The following KIF26B variants were observed in gnomAD, a reference collection of about 807,000 sequenced individuals.
The protein encoded by KIF26B is kinesin-like protein KIF26B.
KIF26B carries 63 observed loss-of-function variants against 151.2 expected under a neutral mutation model. The ratio of observed to expected loss-of-function variants is 0.42; its 90% confidence interval spans 0.34 to 0.51. KIF26B has a LOEUF of 0.51. KIF26B is among the 20% of genes least tolerant of loss of function. The pLI, the probability that KIF26B is intolerant of heterozygous loss-of-function variation, is 0.07. For missense variants in KIF26B, 2,813 were observed against 2,913.6 expected, an observed-to-expected ratio of 0.97 and a Z score of 0.79; for synonymous variants, 1,357 against 1,262.1, an observed-to-expected ratio of 1.08 and a Z score of -1.59.
At position 245,218,863 on chromosome 1, in the gene KIF26B, A is replaced by G. The variant is rs1441201381; in HGVS notation, c.465+62180A>G. Among the ~76,000 whole-genome samples, 1 of 152,154 alleles carries G rather than the reference A, an allele frequency of 6.6e-6. No homozygotes were observed. The highest frequency in any genetic ancestry group is 2.4e-5 in the African/African-American group (1 of 41,430). On this transcript the variant is annotated intron_variant, in intron 2 of 14. Coordinates refer to ENST00000407071, the MANE Select transcript of KIF26B (RefSeq NM_018012.4). This position sits in a 1 kb window ranked among gnomAD's most constrained non-coding sequence, Gnocchi z 4.1. ...TTGGCTCTTAACTCCTGCTTTTTGT[A>G]GAAGCTTGACAGGCAGCTGACTCAG... is the stretch of plus-strand genomic sequence containing the variant.
intron 2 of KIF26B, among the ~76,000 whole-genome samples, chr1:245,231,511 G>A (rs969346344): frequency 9.2e-5 from 14 of 151,816 alleles, no homozygotes; most frequent in Admixed American, 2.6e-4. Flanking sequence ...GCAAGACTTC[G>A]TCTAAAAGAA....
chr1:245,553,431 G>A (rs567413770), intron 5 of KIF26B, among the ~76,000 whole-genome samples: 14 of 152,186 alleles, frequency 9.2e-5, no homozygotes, highest in Admixed American at 4.6e-4. Context: ...GGGCTGTGGC[G>A]GAGGCTGAGG....
At chr1:245,201,251 A>T (rs1421437194) in intron 2 of KIF26B, among the ~76,000 whole-genome samples, 1 of 152,250 alleles carries the variant, frequency 6.6e-6, no homozygotes, top group Non-Finnish European at 1.5e-5. Flanking sequence ...CAAATAGTCT[A>T]GATCAGTTTC....
intron 4 of KIF26B, among the ~76,000 whole-genome samples, chr1:245,521,071 C>T (rs2103090113): frequency 6.6e-6 from 1 of 152,308 alleles, no homozygotes; most frequent in South Asian, 2.1e-4. Context: ...GGCGTGGTGG[C>T]TCACGCCTGT....
intron 5 of KIF26B, among the ~76,000 whole-genome samples, chr1:245,544,867 T>G (rs1219487356): frequency 1.3e-5 from 2 of 152,086 alleles, no homozygotes; most frequent in Admixed American, 1.3e-4. Context: ...ATCCCTTCCC[T>G]CCTTCCCACT....
Position 245,684,409 on chromosome 1 carries a change from G to T in KIF26B, c.2421+14G>T. 6.4e-7 allele frequency: 1 copy of T among 1,564,796 alleles called. No homozygotes were observed. On this transcript the variant is annotated intron_variant, in intron 11 of 14. Transcript: ENST00000407071. ...AAGAAGACGAAGGTAAGGAGCTCGCGGGGTGGGGGGGTGGTGGATGAGGGA... is the reference window on the plus strand; with the variant it reads ...AAGAAGACGAAGGTAAGGAGCTCGCTGGGTGGGGGGGTGGTGGATGAGGGA...
intron 2 of KIF26B, among the ~76,000 whole-genome samples, chr1:245,205,251 C>T (rs1415870773): frequency 1.3e-5 from 2 of 152,066 alleles, no homozygotes; most frequent in Non-Finnish European, 2.9e-5. Context: ...GTTAAAAAGA[C>T]CGTTAGTGTA....
chr1:245,172,670 T>C (rs1054436641), intron 2 of KIF26B, among the ~76,000 whole-genome samples: 2 of 152,044 alleles, frequency 1.3e-5, no homozygotes, highest in Non-Finnish European at 2.9e-5. Flanking sequence ...ATTAGCCAGA[T>C]GTGGTTGTAT....
At chr1:245,590,058 A>C (rs2043269829) in intron 5 of KIF26B, among the ~76,000 whole-genome samples, 2 of 149,770 alleles carry the variant, frequency 1.3e-5, no homozygotes, top group South Asian at 4.2e-4. Flanking sequence ...GTAACACATG[A>C]GTGAGCTTTA....
chr1:245,471,115 ATGTG>A (rs1553277413), intron 4 of KIF26B, among the ~76,000 whole-genome samples: 1 of 142,442 alleles, frequency 7.0e-6, no homozygotes. Flanking sequence ...TTTTGATAGT[ATGTG>A]TGTGTGTGTG....
chr1:245,676,243 G>A (rs1453006363), intron 10 of KIF26B: 2 of 152,172 alleles, frequency 1.3e-5, no homozygotes, highest in African/African-American at 4.8e-5. Context: ...TACACTTCCT[G>A]AGCAGAACTT....
At chr1:245,450,265 A>G (rs528204522) in intron 4 of KIF26B, among the ~76,000 whole-genome samples, 11 of 152,312 alleles carry the variant, frequency 7.2e-5, no homozygotes, top group Admixed American at 3.9e-4. Context: ...TGGAAACAAC[A>G]TAATGATTCC....
intron 2 of KIF26B, among the ~76,000 whole-genome samples, chr1:245,364,053 G>A (rs963579206): frequency 2.6e-5 from 4 of 152,184 alleles, no homozygotes; most frequent in East Asian, 1.9e-4. Context: ...GGCATGTGGC[G>A]TTAGGTAGTA....
intron 4 of KIF26B, among the ~76,000 whole-genome samples, chr1:245,501,909 A>G (rs1431970304): frequency 2.0e-5 from 3 of 152,156 alleles, no homozygotes; most frequent in Non-Finnish European, 4.4e-5. Flanking sequence ...GCACTGCCGC[A>G]CATTCATGGG....
intron 2 of KIF26B, among the ~76,000 whole-genome samples, chr1:245,327,971 T>A (rs1228899448): frequency 1.3e-5 from 2 of 152,120 alleles, no homozygotes; most frequent in Non-Finnish European, 2.9e-5. Flanking sequence ...GACATGCCAA[T>A]CCACACTTAG....
chr1:245,427,254 T>C (rs562863375), intron 4 of KIF26B, among the ~76,000 whole-genome samples: 17 of 152,186 alleles, frequency 1.1e-4, no homozygotes, highest in Non-Finnish European at 1.9e-4. Flanking sequence ...GCCTCCAGTT[T>C]CACAACTTGG....
chr1:245,624,353 C>T (rs1369533551), intron 9 of KIF26B, among the ~76,000 whole-genome samples: 1 of 151,638 alleles, frequency 6.6e-6, no homozygotes, highest in Non-Finnish European at 1.5e-5. Flanking sequence ...AGAAATTTCT[C>T]AGCTGTTTCC....
rs984979844 is a variant in KIF26B, at chr1:245,704,812, G to A, written c.*2206G>A. Reference sequence around the variant, plus strand: ...GGACCCAAAGGGAAGCCAATCCTTCGAGTTTGCCATTGGGCTGCTGGTTGC... The same window carrying A: ...GGACCCAAAGGGAAGCCAATCCTTCAAGTTTGCCATTGGGCTGCTGGTTGC... On this transcript the variant is annotated 3_prime_UTR_variant, in exon 15 of 15. Coordinates refer to ENST00000407071, the MANE Select transcript of KIF26B (RefSeq NM_018012.4). 6.6e-6 allele frequency: 1 copy of A among 152,212 alleles called. No individual in the cohort carries two copies. Among genetic ancestry groups the A allele is most frequent in the Admixed American group, 6.5e-5 (1 of 15,288 alleles). 9.4% of individuals were successfully genotyped at this position (152,212 alleles called of 1,614,324 possible). A position where few individuals can be genotyped will look rare whatever the true frequency, so the allele number is the denominator to read the frequency against.
intron 2 of KIF26B, among the ~76,000 whole-genome samples, chr1:245,229,138 T>A (rs1004866731): frequency 2.0e-5 from 3 of 152,010 alleles, no homozygotes; most frequent in Admixed American, 6.6e-5. Flanking sequence ...GGCTAATTTT[T>A]AAAAATTTTT....
Sources: allele counts gnomAD v4.1 joint callset (sites outside exome capture counted in the v4.1 genomes callset), GRCh38; gene constraint gnomAD v4.1.1; non-coding constraint Gnocchi (gnomAD v3.1); transcripts MANE v1.5; gene names NCBI Gene and HGNC (gene_info 2026-07-23, HGNC 2026-07-21).